Variants in MTMR3 observed in about 807,000 individuals in gnomAD.
MTMR3 encodes phosphatidylinositol-3,5-bisphosphate 3-phosphatase MTMR3.
A neutral mutation model predicts 132.4 loss-of-function variants in MTMR3; 32 were observed. That is an observed-to-expected ratio of 0.24 (90% CI 0.18 to 0.32). The LOEUF is 0.32. Among genes scored for constraint, MTMR3 ranks in the 10% least tolerant of loss-of-function variants. The pLI is 1.00. For synonymous variants in MTMR3, 556 were observed against 550.3 expected (o/e 1.01, Z -0.14); for missense variants, 1,216 against 1,489.6 (o/e 0.82, Z 3.02).
At position 29,884,593 on chromosome 22, in the gene MTMR3, C is replaced by G. The variant is rs984371510; in HGVS notation, c.-138+1234C>G. On this transcript the variant is annotated intron_variant, in intron 1 of 19. Coordinates refer to ENST00000401950, the MANE Select transcript of MTMR3 (RefSeq NM_021090.4). ...TTTTTTTTTTTTTAAGACAGAATCTCTCTCTCCCGCCCAGGCCGGAGTGCA... is the reference window on the plus strand; with the variant it reads ...TTTTTTTTTTTTTAAGACAGAATCTGTCTCTCCCGCCCAGGCCGGAGTGCA... Among the ~76,000 whole-genome samples, 9 of 127,778 alleles carry G rather than the reference C, an allele frequency of 7.0e-5. No individual in the cohort carries two copies. In the Admixed American group the frequency reaches 8.0e-4, roughly 11 times the overall value. The allele number at this position is 127,778 out of a possible 152,430, so 83.8% of individuals were successfully genotyped here. A position where few individuals can be genotyped will look rare whatever the true frequency, so the allele number is the denominator to read the frequency against.
intron 9 of MTMR3, chr22:30,004,595 T>G (rs977491556): frequency 8.5e-5 from 13 of 152,352 alleles, no homozygotes; most frequent in Admixed American, 4.6e-4. Flanking sequence ...AAATTTTATT[T>G]GCAGTTTTTC....
rs185550316 is a variant in MTMR3, at chr22:29,934,258, G to A, written c.-137-22778G>A. 2.0e-3 allele frequency among the ~76,000 whole-genome samples: 297 copies of A among 152,238 alleles called. 1 individual carries two copies. Among genetic ancestry groups the A allele is most frequent in the Non-Finnish European group, 3.6e-3 (242 of 68,022 alleles). On this transcript the variant is annotated intron_variant, in intron 1 of 19. Transcript: ENST00000401950. ...AGACTCAGCTACTCCGGAGGCTGAC[G>A]CAGGAGAATGGTGTGAACCTGGGAG... is the stretch of plus-strand genomic sequence containing the variant.
chr22:29,972,114 GATTTATC>G (rs2066547855), intron 3 of MTMR3, among the ~76,000 whole-genome samples: 2 of 152,170 alleles, frequency 1.3e-5, no homozygotes, highest in African/African-American at 4.8e-5. Context: ...ACAACTTTAT[GATTTATC>G]TTATACCTAA....
At chr22:29,905,732 G>A (rs578125074) in intron 1 of MTMR3, among the ~76,000 whole-genome samples, 7 of 152,000 alleles carry the variant, frequency 4.6e-5, no homozygotes, top group Admixed American at 2.6e-4. Context: ...TATGTATTCG[G>A]TGTTTTTGAA....
At chr22:29,976,924 A>C (rs929796019) in intron 3 of MTMR3, among the ~76,000 whole-genome samples, 1 of 152,204 alleles carries the variant, frequency 6.6e-6, no homozygotes, top group Non-Finnish European at 1.5e-5. Flanking sequence ...TGTACACAGA[A>C]GCAACCAGTA....
chr22:29,916,322 A>G (rs1029850191), intron 1 of MTMR3, among the ~76,000 whole-genome samples: 2 of 152,138 alleles, frequency 1.3e-5, no homozygotes, highest in South Asian at 2.1e-4. Context: ...TTCTTTGCCT[A>G]CCCTCGTGAA....
Position 30,030,212 on chromosome 22 carries a change from T to C in MTMR3, c.*4411T>C, listed in dbSNP as rs1368999410. The C allele has an allele frequency of 2.0e-5, 3 of 152,342 alleles. No individual in the cohort carries two copies. The highest frequency in any genetic ancestry group is 4.4e-5 in the Non-Finnish European group (3 of 68,032). 9.4% of individuals were successfully genotyped at this position (152,342 alleles called of 1,614,324 possible). ...TATTTACCATTTAAGGTCTTTTCTATTATATCTGAGTAACTAGTCAGTTTT... is the reference window on the plus strand; with the variant it reads ...TATTTACCATTTAAGGTCTTTTCTACTATATCTGAGTAACTAGTCAGTTTT... On this transcript the variant is annotated 3_prime_UTR_variant, in exon 20 of 20. Transcript: ENST00000401950.
At chr22:29,958,115 A>G (rs2066237796) in intron 2 of MTMR3, among the ~76,000 whole-genome samples, 1 of 152,168 alleles carries the variant, frequency 6.6e-6, no homozygotes, top group Non-Finnish European at 1.5e-5. Context: ...ATGAATTTTA[A>G]TGAGAAAAAC....
chr22:29,954,270 TA>T (rs1241277242), intron 1 of MTMR3, among the ~76,000 whole-genome samples: 3 of 151,832 alleles, frequency 2.0e-5, no homozygotes, highest in African/African-American at 7.3e-5. Context: ...TATTTTATTT[TA>T]TTTTTATTTT....
chr22:30,016,660 G>C lies in MTMR3; in HGVS notation c.1636G>C (p.Ala546Pro). The C allele has an allele frequency of 6.2e-7, 1 of 1,614,074 alleles. No individual in the cohort carries two copies. The highest frequency in any genetic ancestry group is 1.1e-5 in the South Asian group (1 of 91,074). The stretch of plus-strand genomic sequence containing the variant: ...GTCACTTCTTCGGGCAGGCAACAAG[G>C]CTTTCAAAAACCTACTGTATTCCTC... The part of the protein sequence containing the change: ...VWSLLRAGNK[A>P]FKNLLYSSQS... The change falls in exon 15 of 20, where the codon GCT becomes CCT. Residue 546 changes from alanine (A) to proline (P), a missense_variant. By Grantham distance (27) the Ala-to-Pro change is conservative. Around this residue, in one of 7 missense-constraint regions of MTMR3, gnomAD observed 852 missense variants for 852.0 expected, o/e 1.00. Coordinates refer to ENST00000401950, the MANE Select transcript of MTMR3 (RefSeq NM_021090.4).
chr22:29,967,242 CG>C (rs1569028535), intron 2 of MTMR3, among the ~76,000 whole-genome samples: 4 of 146,612 alleles, frequency 2.7e-5, no homozygotes, highest in African/African-American at 1.0e-4. Flanking sequence ...TGCATGCGCG[CG>C]CGCGCGCATG....
intron 1 of MTMR3, among the ~76,000 whole-genome samples, chr22:29,903,390 C>CT (rs35625964): frequency 0.7 from 83,410 of 119,690 alleles, 31,609 homozygotes; most frequent in East Asian, 0.92. Context: ...CTTTTTCTTT[C>CT]TTTTTTTTTT....
At chr22:30,023,357 A>G (rs1028804421) in intron 19 of MTMR3, 23 of 1,177,484 alleles carry the variant, frequency 2.0e-5, no homozygotes, top group Non-Finnish European at 2.7e-5. Flanking sequence ...CTCTTTGCCT[A>G]GTAATGATGC....
At chr22:29,908,988 T>C (rs879318506) in intron 1 of MTMR3, among the ~76,000 whole-genome samples, 16 of 151,586 alleles carry the variant, frequency 1.1e-4, no homozygotes, top group Non-Finnish European at 1.9e-4. Context: ...TTTTCTTTTT[T>C]TTTTTTTGAG....
In MTMR3 at chr22:30,002,941, G is replaced by T; in HGVS notation, c.619G>T (p.Glu207Ter). ...VPAWITDKEL[E>*]SVSSFRSWKR... ...TGCCTGGATCACTGACAAAGAACTGGAAAGTGTATCAAGTTTCAGGTCCTG... is the reference window on the plus strand; with the variant it reads ...TGCCTGGATCACTGACAAAGAACTGTAAAGTGTATCAAGTTTCAGGTCCTG... Residue 207 changes from glutamate (E) to a stop codon, truncating the protein, a stop_gained, in exon 9 of 20, where the codon GAA (glutamate) becomes TAA (stop). Coordinates refer to ENST00000401950, the MANE Select transcript of MTMR3 (RefSeq NM_021090.4). LOFTEE classifies it high-confidence loss of function. 1 of 1,614,060 alleles carries T rather than the reference G, an allele frequency of 6.2e-7. No homozygotes were observed. Among genetic ancestry groups the T allele is most frequent in the Non-Finnish European group, 8.5e-7 (1 of 1,179,966 alleles).
intron 1 of MTMR3, among the ~76,000 whole-genome samples, chr22:29,943,352 C>T (rs1229502832): frequency 2.0e-5 from 3 of 151,918 alleles, no homozygotes. Flanking sequence ...GCCACCACGC[C>T]CGGCTAATTT....
intron 1 of MTMR3, among the ~76,000 whole-genome samples, chr22:29,945,542 T>TA (rs59993911): frequency 8.9e-4 from 128 of 144,074 alleles, no homozygotes; most frequent in South Asian, 6.7e-3. Flanking sequence ...TATAAAAAAT[T>TA]AAAAAAAAAA....
At chr22:29,915,517 G>T (rs1245929775) in intron 1 of MTMR3, among the ~76,000 whole-genome samples, 1 of 152,102 alleles carries the variant, frequency 6.6e-6, no homozygotes, top group African/African-American at 2.4e-5. Flanking sequence ...AGCCTCCCGG[G>T]TTCAAGTGAT....
In MTMR3 at chr22:30,020,080, A is replaced by G. The variant is rs2067707512; in HGVS notation, c.2421A>G (p.Glu807=). The G allele has an allele frequency of 6.2e-7, 1 of 1,614,206 alleles. No homozygotes were observed. Among genetic ancestry groups the G allele is most frequent in the Non-Finnish European group, 8.5e-7 (1 of 1,180,024 alleles). ...AAGAGATTGCAGAGGGTAGGGAGGA[A>G]GCAGTTCTTCCAATCCCAGTAGATG... is the stretch of plus-strand genomic sequence containing the variant. ...RIEEIAEGRE[E]AVLPIPVDAK... Residue 807 remains glutamate, a synonymous_variant, in exon 17 of 20, where the codon GAA becomes GAG. Transcript: ENST00000401950.
Sources: allele counts gnomAD v4.1 joint callset (sites outside exome capture counted in the v4.1 genomes callset), GRCh38; gene constraint gnomAD v4.1.1; regional missense constraint gnomAD v4.1.1; transcripts MANE v1.5; gene names NCBI Gene and HGNC (gene_info 2026-07-23, HGNC 2026-07-21).